FAM227B: variants seen among roughly 807,000 people sequenced by gnomAD.
The protein encoded by FAM227B is protein FAM227B.
Under a neutral mutation model 73.8 loss-of-function variants are expected in FAM227B, and 88 were observed. That is an observed-to-expected ratio of 1.19 (90% CI 1.00 to 1.42). The LOEUF (loss-of-function observed/expected upper bound fraction) is 1.42. Ranked by LOEUF, FAM227B falls within the 40% of genes most tolerant of loss-of-function variation. FAM227B has a pLI of 0.00. For missense variants in FAM227B, 632 were observed against 590.9 expected, an observed-to-expected ratio of 1.07 and a Z score of -0.72; for synonymous variants, 210 against 190.5, an observed-to-expected ratio of 1.10 and a Z score of -0.84.
At chr15:49,389,004 T>C (rs2047045962) in intron 11 of FAM227B, among the ~76,000 whole-genome samples, 2 of 151,846 alleles carry the variant, frequency 1.3e-5, no homozygotes, top group South Asian at 2.1e-4. Context: ...GAGGTTGGCA[T>C]GGATGTGGGA....
intron 13 of FAM227B, among the ~76,000 whole-genome samples, chr15:49,350,715 C>G (rs538904595): frequency 6.6e-6 from 1 of 152,174 alleles, no homozygotes; most frequent in Admixed American, 6.5e-5. Context: ...GCACCATTTG[C>G]CTTTTATAAT....
intron 15 of FAM227B, 78 bp from the exon 16 acceptor site, chr15:49,328,753 C>T: frequency 6.7e-7 from 1 of 1,487,846 alleles, no homozygotes; most frequent in Non-Finnish European, 9.0e-7. Context: ...TGAGATTTCT[C>T]CAGTTATCAA....
At chr15:49,391,174 C>G (rs1457630623) in intron 11 of FAM227B, among the ~76,000 whole-genome samples, 1 of 151,974 alleles carries the variant, frequency 6.6e-6, no homozygotes, top group Admixed American at 6.6e-5. Flanking sequence ...CTCTATTAAG[C>G]AGGAAAAAAA....
chr15:49,583,101 A>G (rs779604145), intron 5 of FAM227B, among the ~76,000 whole-genome samples: 1 of 152,160 alleles, frequency 6.6e-6, no homozygotes, highest in African/African-American at 2.4e-5. Flanking sequence ...ACCCAAAGCT[A>G]GCAGAAGACA....
intron 9 of FAM227B, among the ~76,000 whole-genome samples, chr15:49,548,629 A>T (rs2072317381): frequency 6.6e-6 from 1 of 152,184 alleles, no homozygotes; most frequent in African/African-American, 2.4e-5. Flanking sequence ...GTTTGGTAGA[A>T]TTCAGCAGTG....
chr15:49,511,301 A>C (rs2058980400), intron 10 of FAM227B, among the ~76,000 whole-genome samples: 1 of 152,066 alleles, frequency 6.6e-6, no homozygotes, highest in East Asian at 1.9e-4. Context: ...TAAAGGCCAT[A>C]AATTACCTTC....
chr15:49,615,207 C>T lies in FAM227B; in HGVS notation c.-36G>A. ...CTTTGCAGAAATGAAGAGAAATCAGCTGGGTCTTAGGCTTCAATGTGAGTT... is the reference window on the plus strand; with the variant it reads ...CTTTGCAGAAATGAAGAGAAATCAGTTGGGTCTTAGGCTTCAATGTGAGTT... On this transcript the variant is annotated 5_prime_UTR_variant, in exon 2 of 16. Coordinates refer to ENST00000299338, the MANE Select transcript of FAM227B (RefSeq NM_152647.3). 6 of 1,606,854 alleles carry T rather than the reference C, an allele frequency of 3.7e-6. No individual in the cohort carries two copies. In the South Asian group the frequency reaches 6.6e-5, roughly 18 times the overall value.
At chr15:49,353,693 C>T (rs1226436084) in intron 13 of FAM227B, 1 of 151,286 alleles carries the variant, frequency 6.6e-6, no homozygotes, top group Non-Finnish European at 1.5e-5. Flanking sequence ...TCACTTCGCC[C>T]AGAGTATTTT....
intron 13 of FAM227B, among the ~76,000 whole-genome samples, chr15:49,350,892 A>T (rs185474480): frequency 6.0e-4 from 91 of 152,294 alleles, no homozygotes; most frequent in Admixed American, 7.2e-4. Context: ...TGATAGGCTC[A>T]TCCTAATCCA....
chr15:49,440,978 G>A (rs1166490622), intron 11 of FAM227B, among the ~76,000 whole-genome samples: 1 of 151,786 alleles, frequency 6.6e-6, no homozygotes, highest in Non-Finnish European at 1.5e-5. Context: ...TTACTGCTTA[G>A]AGATTCATTC....
At chr15:49,457,097 A>G (rs556771787) in intron 11 of FAM227B, among the ~76,000 whole-genome samples, 1 of 152,192 alleles carries the variant, frequency 6.6e-6, no homozygotes, top group East Asian at 1.9e-4. Context: ...GGAAGACTCC[A>G]TAATTTACAG....
At position 49,356,029 on chromosome 15, in the gene FAM227B, C is replaced by T. The variant is rs868224148; in HGVS notation, c.1271+11419G>A. Among the ~76,000 whole-genome samples the T allele has an allele frequency of 4.8e-4, 73 of 151,972 alleles. No homozygotes were observed. The South Asian group carries it at 5.6e-3, about 12-fold the overall frequency. The stretch of plus-strand genomic sequence containing the variant: ...AAGGAGAAATAAAATACTTTACAGA[C>T]AAGCAAATGCTGAGAGATTTTCTCA... On this transcript the variant is annotated intron_variant, in intron 13 of 15. Transcript: ENST00000299338.
chr15:49,422,771 G>A (rs2049798290), intron 11 of FAM227B: 2 of 1,322,298 alleles, frequency 1.5e-6, no homozygotes, highest in African/African-American at 2.9e-5. Context: ...AATTGTCTCT[G>A]TATGATGTGA....
chr15:49,417,065 A>G (rs1037898262), intron 11 of FAM227B, among the ~76,000 whole-genome samples: 1 of 152,168 alleles, frequency 6.6e-6, no homozygotes, highest in African/African-American at 2.4e-5. Flanking sequence ...GAACCATAAA[A>G]GAGCCTGAAG....
At chr15:49,536,340 C>CT (rs1472326663) in intron 10 of FAM227B, among the ~76,000 whole-genome samples, 1 of 151,734 alleles carries the variant, frequency 6.6e-6, no homozygotes, top group Non-Finnish European at 1.5e-5. Flanking sequence ...TCAAAAATAA[C>CT]TATTTAAGAA....
intron 3 of FAM227B, among the ~76,000 whole-genome samples, chr15:49,598,194 C>A (rs1307685135): frequency 6.6e-6 from 1 of 151,826 alleles, no homozygotes; most frequent in Non-Finnish European, 1.5e-5. Context: ...ATACCTCCTT[C>A]TTTAAATTTA....
Position 49,560,292 on chromosome 15 carries a change from C to T in FAM227B, c.747+7953G>A, listed in dbSNP as rs573663510. Among the ~76,000 whole-genome samples the T allele has an allele frequency of 3.3e-5, 5 of 152,010 alleles. No individual in the cohort carries two copies. The East Asian group carries it at 9.7e-4, about 29-fold the overall frequency. On this transcript the variant is annotated intron_variant, in intron 9 of 15. Coordinates refer to ENST00000299338, the MANE Select transcript of FAM227B (RefSeq NM_152647.3). Reference sequence around the variant, plus strand: ...AGAAAAATTTTCAGAGCTTGAAGATCAGTATTTTGAACTAACCCAGTCAGA... The same window carrying T: ...AGAAAAATTTTCAGAGCTTGAAGATTAGTATTTTGAACTAACCCAGTCAGA...
At chr15:49,403,853 G>A (rs893753879) in intron 11 of FAM227B, among the ~76,000 whole-genome samples, 2 of 151,962 alleles carry the variant, frequency 1.3e-5, no homozygotes, top group African/African-American at 2.4e-5. Context: ...GTGATGTTAG[G>A]TTGTTAACTT....
chr15:49,341,548 C>T (rs2040729563), intron 13 of FAM227B, among the ~76,000 whole-genome samples: 2 of 152,122 alleles, frequency 1.3e-5, no homozygotes, highest in Admixed American at 1.3e-4. Flanking sequence ...GATGAGGTTT[C>T]ACCATGTTGC....
Sources: allele counts gnomAD v4.1 joint callset (sites outside exome capture counted in the v4.1 genomes callset), GRCh38; gene constraint gnomAD v4.1.1; transcripts MANE v1.5; gene names NCBI Gene and HGNC (gene_info 2026-07-23, HGNC 2026-07-21).